SLC6A6: variants seen among roughly 807,000 people sequenced by gnomAD.
SLC6A6 encodes sodium- and chloride-dependent taurine transporter.
Under a neutral mutation model 68.8 loss-of-function variants are expected in SLC6A6, and 16 were observed. That is an observed-to-expected ratio of 0.23 (90% CI 0.16 to 0.35). The LOEUF is 0.35. Ranked by LOEUF, SLC6A6 falls within the 10% of genes least tolerant of loss-of-function variation. The pLI, the probability that SLC6A6 is intolerant of heterozygous loss-of-function variation, is 1.00. For missense variants in SLC6A6, 474 were observed against 802.8 expected (o/e 0.59, Z 4.95); for synonymous variants, 312 against 315.4 (o/e 0.99, Z 0.12).
intron 2 of SLC6A6, among the ~76,000 whole-genome samples, chr3:14,417,901 GATCGTCATTATGTTTTT>G (rs1301948527): frequency 6.6e-6 from 1 of 151,912 alleles, no homozygotes; most frequent in Non-Finnish European, 1.5e-5. Flanking sequence ...TTTAGTTCAG[GATCGTCATTATGTTTTT>G]AAAAAGGGTT....
At chr3:14,458,930 A>G (rs574351832) in intron 6 of SLC6A6, among the ~76,000 whole-genome samples, 1 of 152,372 alleles carries the variant, frequency 6.6e-6, no homozygotes, top group South Asian at 2.1e-4. Context: ...GGTATAACTG[A>G]TACATTAGCA....
chr3:14,426,781 G>T (rs1013557432), intron 2 of SLC6A6, among the ~76,000 whole-genome samples: 1 of 152,046 alleles, frequency 6.6e-6, no homozygotes, highest in African/African-American at 2.4e-5. Flanking sequence ...TGGGAGGAGG[G>T]CTGGCCCTGC....
At chr3:14,462,816 C>A (rs1162367908) in intron 6 of SLC6A6, among the ~76,000 whole-genome samples, 2 of 152,184 alleles carry the variant, frequency 1.3e-5, no homozygotes, top group African/African-American at 4.8e-5. Context: ...ACACATTTTC[C>A]ATAGGGTAGG....
chr3:14,422,876 G>C (rs1195266803), intron 2 of SLC6A6, among the ~76,000 whole-genome samples: 1 of 152,212 alleles, frequency 6.6e-6, no homozygotes, highest in Non-Finnish European at 1.5e-5. Flanking sequence ...TTTCCTGAGA[G>C]CTTCTGCTAG....
rs897459992 is a variant in SLC6A6, at chr3:14,402,734, G to A, written c.-167G>A. ...AAGCCCAGAGGACAAGCTGCGCCAA[G>A]AGGGAGTGCGGAGCGTTCACCCAGC... On this transcript the variant is annotated 5_prime_UTR_variant, in exon 1 of 15. Transcript: ENST00000622186. The surrounding 1 kb of genome is among the most constrained non-coding windows in gnomAD (Gnocchi z 4.8). 24 of 398,064 alleles carry A rather than the reference G, an allele frequency of 6.0e-5. No homozygotes were observed. The highest frequency in any genetic ancestry group is 8.4e-5 in the Non-Finnish European group (19 of 225,736). 24.7% of individuals were successfully genotyped at this position (398,064 alleles called of 1,614,324 possible). A position where few individuals can be genotyped will look rare whatever the true frequency, so the allele number is the denominator to read the frequency against.
chr3:14,446,563 A>T (rs1162283298), intron 4 of SLC6A6, among the ~76,000 whole-genome samples: 1 of 152,192 alleles, frequency 6.6e-6, no homozygotes, highest in Non-Finnish European at 1.5e-5. Context: ...AAACAAGAAA[A>T]AAGAAGCCTG....
chr3:14,410,873 CAG>C (rs1170508746), intron 1 of SLC6A6, among the ~76,000 whole-genome samples: 2 of 152,212 alleles, frequency 1.3e-5, no homozygotes, highest in Non-Finnish European at 2.9e-5. Context: ...GCGATTTCAG[CAG>C]AGTCATGCTT....
chr3:14,449,565 G>A (rs1700208917), intron 5 of SLC6A6, among the ~76,000 whole-genome samples: 1 of 152,142 alleles, frequency 6.6e-6, no homozygotes, highest in Admixed American at 6.5e-5. Flanking sequence ...ACATTGACTG[G>A]CCTGCCTGGG....
Position 14,488,248 on chromosome 3 carries a change from C to T in SLC6A6, c.*3241C>T, listed in dbSNP as rs1322006767. On this transcript the variant is annotated 3_prime_UTR_variant, in exon 15 of 15. Transcript: ENST00000622186. ...AGCAGGAAGTGGCCTTGGATGCTCT[C>T]CTTCCAGGACAGCATAACCCCTGGG... 6.6e-6 allele frequency: 1 copy of T among 152,490 alleles called. No homozygotes were observed. The highest frequency in any genetic ancestry group is 6.5e-5 in the Admixed American group (1 of 15,282). The allele number at this position is 152,490 out of a possible 1,614,324, so 9.4% of individuals were successfully genotyped here.
rs57618417 is a variant in SLC6A6 at position 14,417,657 on chromosome 3, G to A, written c.-12+1204G>A. ...TGAGGCAGGAGAATGGCGTGAACCC[G>A]GGGGATGGAGCTTGCAGCGAGCCGC... On this transcript the variant is annotated intron_variant, in intron 2 of 14. Transcript: ENST00000622186. Among the ~76,000 whole-genome samples the A allele has an allele frequency of 3.1e-3, 472 of 152,072 alleles. 4 individuals carry two copies. The highest frequency in any genetic ancestry group is 0.011 in the African/African-American group (446 of 41,460).
Position 14,468,289 on chromosome 3 carries a change from G to C in SLC6A6, c.1096+77G>C. ...GCCAAGTACTGCAGGCATGAAGCCA[G>C]ACCCCAGGGGGCTTTGAGGGGGGAC... is the stretch of plus-strand genomic sequence containing the variant. On this transcript the variant is annotated intron_variant, in intron 9 of 14. Coordinates refer to ENST00000622186, the MANE Select transcript of SLC6A6 (RefSeq NM_003043.6). This position sits in a 1 kb window ranked among gnomAD's most constrained non-coding sequence, Gnocchi z 4.5. The C allele has an allele frequency of 7.5e-6, 10 of 1,327,814 alleles. No individual in the cohort carries two copies. Among genetic ancestry groups the C allele is most frequent in the Non-Finnish European group, 1.0e-5 (10 of 979,470 alleles). 82.3% of individuals were successfully genotyped at this position (1,327,814 alleles called of 1,614,324 possible). A position where few individuals can be genotyped will look rare whatever the true frequency, so the allele number is the denominator to read the frequency against.
chr3:14,430,825 TTCCC>T (rs1699708336), intron 2 of SLC6A6, among the ~76,000 whole-genome samples: 1 of 152,158 alleles, frequency 6.6e-6, no homozygotes, highest in Admixed American at 6.5e-5. Flanking sequence ...GTGAAATGAG[TTCCC>T]TCCAGCTCTG....
intron 2 of SLC6A6, among the ~76,000 whole-genome samples, chr3:14,440,242 G>C (rs977801994): frequency 6.6e-6 from 1 of 152,136 alleles, no homozygotes; most frequent in African/African-American, 2.4e-5. Flanking sequence ...TAGGTCACCT[G>C]TTTGGGGAAG....
chr3:14,463,926 C>T (rs1426578954), intron 6 of SLC6A6, among the ~76,000 whole-genome samples: 3 of 152,232 alleles, frequency 2.0e-5, no homozygotes, highest in South Asian at 2.1e-4. Context: ...CAGGGGCCAT[C>T]GAGCAAGGTC....
chr3:14,417,693 C>T (rs1699395249), intron 2 of SLC6A6, among the ~76,000 whole-genome samples: 1 of 149,408 alleles, frequency 6.7e-6, no homozygotes, highest in South Asian at 2.1e-4. Flanking sequence ...GATCGTGCCA[C>T]TGCACTCCAG....
At chr3:14,471,130 C>CTTT (rs754511089) in intron 9 of SLC6A6, among the ~76,000 whole-genome samples, 15 of 83,114 alleles carry the variant, frequency 1.8e-4, no homozygotes, top group African/African-American at 2.4e-4. Context: ...TGCTTCTTGA[C>CTTT]TTTTTTTTTT....
At chr3:14,431,398 CGGGTGACTG>C (rs1699721100) in intron 2 of SLC6A6, among the ~76,000 whole-genome samples, 1 of 152,190 alleles carries the variant, frequency 6.6e-6, no homozygotes, top group African/African-American at 2.4e-5. Context: ...AAGCAGGACC[CGGGTGACTG>C]GGGAGTAACA....
At position 14,425,575 on chromosome 3, in the gene SLC6A6, G is replaced by T. The variant is rs182179569; in HGVS notation, c.-12+9122G>T. Among the ~76,000 whole-genome samples, 3 of 152,252 alleles carry T rather than the reference G, an allele frequency of 2.0e-5. No homozygotes were observed. In the East Asian group the frequency reaches 5.8e-4, roughly 29 times the overall value. Reference sequence around the variant, plus strand: ...AATCTCAGGTATCCTTGCCCCCAAGGAGTAAAGGGAACCGTTTTCAGATGG... The same window carrying T: ...AATCTCAGGTATCCTTGCCCCCAAGTAGTAAAGGGAACCGTTTTCAGATGG... On this transcript the variant is annotated intron_variant, in intron 2 of 14. Transcript: ENST00000622186.
In SLC6A6 at chr3:14,468,123, C is replaced by A; in HGVS notation, c.1007C>A (p.Thr336Asn). ...CTGCTGGGATGCCTGAACAGTGGTACCAGTTTTGTGTCTGGCTTCGCAATT... is the reference window on the plus strand; with the variant it reads ...CTGCTGGGATGCCTGAACAGTGGTAACAGTTTTGTGTCTGGCTTCGCAATT... The part of the protein sequence containing the change: ...CMLLGCLNSG[T>N]SFVSGFAIFS... Residue 336 changes from threonine (T) to asparagine (N), a missense_variant, in exon 9 of 15, where the codon ACC becomes AAC. Around this residue, in one of 2 missense-constraint regions of SLC6A6, gnomAD observed 280 missense variants for 533.1 expected, o/e 0.53. Transcript: ENST00000622186. This position sits in a 1 kb window ranked among gnomAD's most constrained non-coding sequence, Gnocchi z 4.5. 6.2e-7 allele frequency: 1 copy of A among 1,614,056 alleles called. No homozygotes were observed. The highest frequency in any genetic ancestry group is 8.5e-7 in the Non-Finnish European group (1 of 1,179,968).
Sources: allele counts gnomAD v4.1 joint callset (sites outside exome capture counted in the v4.1 genomes callset), GRCh38; gene constraint gnomAD v4.1.1; regional missense constraint gnomAD v4.1.1; non-coding constraint Gnocchi (gnomAD v3.1); transcripts MANE v1.5; gene names NCBI Gene and HGNC (gene_info 2026-07-23, HGNC 2026-07-21).